HECW2: variants seen among roughly 807,000 people sequenced by gnomAD.
HECW2 encodes HECT, C2 and WW domain containing E3 ubiquitin protein ligase 2, also known as E3 ubiquitin-protein ligase HECW2.
HECW2 carries 61 observed loss-of-function variants against 175.2 expected under a neutral mutation model. The observed-to-expected ratio is 0.35, with a 90% CI of 0.28 to 0.43. The LOEUF is 0.43. Among genes scored for constraint, HECW2 ranks in the 20% least tolerant of loss-of-function variants. The pLI is 1.00. For missense variants in HECW2, 1,524 were observed against 2,000.5 expected (o/e 0.76, Z 4.54); for synonymous variants, 671 against 731.0 (o/e 0.92, Z 1.32).
At chr2:196,248,597 G>GACACACAC (rs35800907) in intron 19 of HECW2, among the ~76,000 whole-genome samples, 10,590 of 143,872 alleles carry the variant, frequency 0.074, 445 homozygotes, top group East Asian at 0.17. Flanking sequence ...GAGACAGACA[G>GACACACAC]ACACACACAC....
Position 196,196,583 on chromosome 2 carries a change from G to C in HECW2, c.*4694C>G, listed in dbSNP as rs186560374. On this transcript the variant is annotated 3_prime_UTR_variant, in exon 29 of 29. Coordinates refer to ENST00000644978, the MANE Select transcript of HECW2 (RefSeq NM_001348768.2). ...AGGCCAAGGTGGGAGGACTGCTTGA[G>C]CTCAGGAGTTCAAGACCAGCCTGGG... The C allele has an allele frequency of 3.3e-5, 5 of 152,652 alleles. No individual in the cohort carries two copies. The highest frequency in any genetic ancestry group is 2.6e-4 in the Admixed American group (4 of 15,310). The allele number at this position is 152,652 out of a possible 1,614,324, so 9.5% of individuals were successfully genotyped here.
At chr2:196,279,620 C>T (rs557997345) in intron 14 of HECW2, among the ~76,000 whole-genome samples, 6 of 152,192 alleles carry the variant, frequency 3.9e-5, no homozygotes, top group Non-Finnish European at 5.9e-5. Flanking sequence ...CAATACAAAG[C>T]TTCTCATGGC....
At chr2:196,315,419 A>C (rs1225569750) in intron 10 of HECW2, among the ~76,000 whole-genome samples, 1 of 152,082 alleles carries the variant, frequency 6.6e-6, no homozygotes, top group Non-Finnish European at 1.5e-5. Context: ...CACCCACTAA[A>C]TGCCAGTAGC....
At chr2:196,247,178 G>A (rs1688678602) in intron 19 of HECW2, among the ~76,000 whole-genome samples, 1 of 152,138 alleles carries the variant, frequency 6.6e-6, no homozygotes, top group South Asian at 2.1e-4. Flanking sequence ...TTGAACCCAG[G>A]AGGCGGAGGT....
Position 196,217,112 on chromosome 2 carries a change from A to C in HECW2, c.4409-19T>G. On this transcript the variant is annotated intron_variant, in intron 26 of 28. Transcript: ENST00000644978. Reference sequence around the variant, plus strand: ...TGGTATCCTATCAAACCAATCATAAAAGCCCATGTTACTTTGACTCTTCTA... The same window carrying C: ...TGGTATCCTATCAAACCAATCATAACAGCCCATGTTACTTTGACTCTTCTA... The C allele has an allele frequency of 1.3e-6, 2 of 1,587,646 alleles. No individual in the cohort carries two copies. The highest frequency in any genetic ancestry group is 2.2e-5 in the South Asian group (2 of 89,100).
chr2:196,583,917 G>C (rs1690883283), intron 1 of HECW2, among the ~76,000 whole-genome samples: 1 of 152,188 alleles, frequency 6.6e-6, no homozygotes, highest in Non-Finnish European at 1.5e-5. Context: ...ACCTAAAACA[G>C]CAGATGATTA....
In HECW2 at chr2:196,295,144, TG is replaced by T. The variant is rs563052675; in HGVS notation, c.2815-2395del. The stretch of plus-strand genomic sequence containing the variant: ...CAGGCTAAATAAGAGGAGGTTTTGA[TG>T]GCTGTGAGCAGTTGTGTGGTTCAGA... On this transcript the variant is annotated intron_variant, in intron 13 of 28. Transcript: ENST00000644978. Among the ~76,000 whole-genome samples the T allele has an allele frequency of 4.6e-3, 708 of 152,318 alleles. 2 individuals are homozygous for T. Among genetic ancestry groups the T allele is most frequent in the Non-Finnish European group, 7.2e-3 (493 of 68,018 alleles).
At chr2:196,228,400 T>C (rs1403429026) in intron 21 of HECW2, 146 bp from the exon 22 acceptor site, 1 of 713,200 alleles carries the variant, frequency 1.4e-6, no homozygotes, top group Non-Finnish European at 2.3e-6. Context: ...AACTGAATGA[T>C]CATAGTTTCT....
intron 13 of HECW2, among the ~76,000 whole-genome samples, chr2:196,304,961 A>T (rs1259257387): frequency 6.6e-6 from 1 of 152,218 alleles, no homozygotes; most frequent in East Asian, 1.9e-4. Context: ...TTCTACCTAG[A>T]GTACTCCTGC....
At chr2:196,234,084 T>G (rs1688153059) in intron 21 of HECW2, among the ~76,000 whole-genome samples, 1 of 152,180 alleles carries the variant, frequency 6.6e-6, no homozygotes, top group Non-Finnish European at 1.5e-5. Flanking sequence ...GATGTCATAT[T>G]GATGGCACCT....
chr2:196,449,059 T>C (rs1437066636), intron 1 of HECW2, among the ~76,000 whole-genome samples: 1 of 152,178 alleles, frequency 6.6e-6, no homozygotes, highest in Non-Finnish European at 1.5e-5. Flanking sequence ...GGGGTGAGTG[T>C]CCGTGGCACC....
intron 1 of HECW2, among the ~76,000 whole-genome samples, chr2:196,475,783 G>A (rs912253041): frequency 1.8e-4 from 28 of 152,228 alleles, no homozygotes; most frequent in African/African-American, 6.8e-4. Context: ...TCTGAGAGGT[G>A]CAAGGACTCC....
At chr2:196,417,219 T>G (rs1473500199) in intron 2 of HECW2, among the ~76,000 whole-genome samples, 1 of 152,228 alleles carries the variant, frequency 6.6e-6, no homozygotes, top group African/African-American at 2.4e-5. Flanking sequence ...ATTTTAATGA[T>G]TCCAAATGAT....
intron 17 of HECW2, among the ~76,000 whole-genome samples, chr2:196,267,557 C>A (rs1168487518): frequency 1.3e-5 from 2 of 151,820 alleles, no homozygotes; most frequent in African/African-American, 2.4e-5. Context: ...AGGACAGCAA[C>A]TTAGTACCAT....
chr2:196,273,133 T>G (rs1012093863), intron 16 of HECW2, among the ~76,000 whole-genome samples: 2 of 148,370 alleles, frequency 1.3e-5, no homozygotes, highest in Non-Finnish European at 3.0e-5. Flanking sequence ...AGTGGTGCAA[T>G]CTCGGCTCAC....
At chr2:196,218,145 G>T (rs1263031851) in intron 26 of HECW2, 1 of 152,274 alleles carries the variant, frequency 6.6e-6, no homozygotes. Context: ...TACAAAAGAA[G>T]TGCACTGGCT....
intron 1 of HECW2, among the ~76,000 whole-genome samples, chr2:196,473,610 A>C (rs922453592): frequency 1.3e-5 from 2 of 152,244 alleles, no homozygotes; most frequent in Admixed American, 1.3e-4. Context: ...GAACTAGATG[A>C]CTAAAACTAC....
At chr2:196,326,299 C>T (rs991776432) in intron 5 of HECW2, among the ~76,000 whole-genome samples, 19 of 152,118 alleles carry the variant, frequency 1.2e-4, no homozygotes, top group African/African-American at 3.6e-4. Context: ...AGGAGAGCTC[C>T]CAGGAGGTGG....
At chr2:196,286,402 T>TATATATATATA (rs1391832927) in intron 14 of HECW2, among the ~76,000 whole-genome samples, 5 of 117,180 alleles carry the variant, frequency 4.3e-5, no homozygotes, top group Non-Finnish European at 5.9e-5. Context: ...ATATATATAT[T>TATATATATATA]TAAATCCATG....
Sources: gnomAD v4.1 joint callset for allele counts (sites outside exome capture counted in the v4.1 genomes callset) on GRCh38, gnomAD v4.1.1 for gene constraint, MANE v1.5 for transcripts, NCBI Gene and HGNC (gene_info 2026-07-23, HGNC 2026-07-21) for gene names.